EDRF1: variants seen among roughly 807,000 people sequenced by gnomAD.
EDRF1 encodes the protein erythroid differentiation-related factor 1.
A neutral mutation model predicts 148.7 loss-of-function variants in EDRF1; 69 were observed. The observed-to-expected ratio is 0.46, with a 90% confidence interval of 0.38 to 0.57. EDRF1 has a LOEUF of 0.57. Among genes scored for constraint, EDRF1 ranks in the 20% least tolerant of loss-of-function variants. The pLI, the probability that EDRF1 is intolerant of heterozygous loss-of-function variation, is 0.00. For synonymous variants in EDRF1, 515 were observed against 532.8 expected, an observed-to-expected ratio of 0.97 and a Z score of 0.46; for missense variants, 1,118 against 1,478.7, an observed-to-expected ratio of 0.76 and a Z score of 4.00.
rs1848135530 is a variant in EDRF1 at position 125,723,995 on chromosome 10, C to T, written c.510+59C>T. On this transcript the variant is annotated intron_variant, in intron 4 of 24. Transcript: ENST00000356792. ...TAACAGCTTAAGAGCACTAGAAATA[C>T]GATTTTGTTTCAGAGAATGGCCAAA... is the stretch of plus-strand genomic sequence containing the variant. The T allele has an allele frequency of 5.6e-6, 9 of 1,594,582 alleles. No individual in the cohort carries two copies. The Admixed American group carries it at 8.4e-5, about 15-fold the overall frequency.
Position 125,763,251 on chromosome 10 carries a change from G to A in EDRF1, c.3546-50G>A, listed in dbSNP as rs113668623. 4.1e-5 allele frequency: 64 copies of A among 1,557,872 alleles called. 1 individual carries two copies. The highest frequency in any genetic ancestry group is 4.7e-5 in the Non-Finnish European group (53 of 1,138,632). On this transcript the variant is annotated intron_variant, in intron 24 of 24. Coordinates refer to ENST00000356792, the MANE Select transcript of EDRF1 (RefSeq NM_001202438.2). The surrounding 1 kb of genome is among the most constrained non-coding windows in gnomAD (Gnocchi z 4.3). ...CGGTTTTCTGGACCTCTGAATTGTC[G>A]GTAGGCATTGCTGGTCCCTTACCTG... is the stretch of plus-strand genomic sequence containing the variant.
chr10:125,735,619 C>T (rs779165753), intron 12 of EDRF1, 25 bp from the exon 13 acceptor site: 1 of 1,607,248 alleles, frequency 6.2e-7, no homozygotes, highest in Non-Finnish European at 8.5e-7. Flanking sequence ...CAGTAATTTA[C>T]ACATATTTCT....
chr10:125,720,056 C>CTA, intron 1 of EDRF1, 141 bp downstream of exon 1: 1 of 696,882 alleles, frequency 1.4e-6, no homozygotes, highest in Admixed American at 3.0e-5. Flanking sequence ...GAGTTGAAGT[C>CTA]CATGCTCCAG....
intron 7 of EDRF1, 45 bp downstream of exon 7, chr10:125,729,149 A>G (rs1168324156): frequency 3.3e-6 from 5 of 1,523,824 alleles, no homozygotes; most frequent in Admixed American, 2.0e-5. Context: ...TCCCCAGTCT[A>G]CTTTGTCATT....
At position 125,737,492 on chromosome 10, in the gene EDRF1, C is replaced by T. The variant is rs143755189; in HGVS notation, c.1759-426C>T. Reference sequence around the variant, plus strand: ...GTAATTCCAACCCCACGGGATTCAGCGAAATGAAATGCTTCACAGAAGCCC... The same window carrying T: ...GTAATTCCAACCCCACGGGATTCAGTGAAATGAAATGCTTCACAGAAGCCC... On this transcript the variant is annotated intron_variant, in intron 13 of 24. Transcript: ENST00000356792. Among the ~76,000 whole-genome samples, 313 of 152,222 alleles carry T rather than the reference C, an allele frequency of 2.1e-3. 2 individuals are homozygous for T. Among genetic ancestry groups the T allele is most frequent in the African/African-American group, 7.0e-3 (291 of 41,520 alleles).
intron 6 of EDRF1, among the ~76,000 whole-genome samples, chr10:125,728,585 G>A (rs1483605180): frequency 6.6e-6 from 1 of 152,012 alleles, no homozygotes; most frequent in Non-Finnish European, 1.5e-5. Context: ...TCGAACTCCT[G>A]GGCTCAAGCA....
chr10:125,725,902 G>C, intron 6 of EDRF1, 64 bp downstream of exon 6: 1 of 1,456,988 alleles, frequency 6.9e-7, no homozygotes, highest in East Asian at 2.4e-5. Flanking sequence ...TTAACATCTC[G>C]TTAAAAAAAA....
intron 24 of EDRF1, among the ~76,000 whole-genome samples, chr10:125,760,575 ATTAC>A (rs1850149562): frequency 6.6e-6 from 1 of 152,222 alleles, no homozygotes; most frequent in Non-Finnish European, 1.5e-5. Context: ...AAAAATATTA[ATTAC>A]TAAGTCAGTG....
chr10:125,738,013 T>G, intron 14 of EDRF1, 24 bp downstream of exon 14: 2 of 1,606,068 alleles, frequency 1.2e-6, no homozygotes, highest in Non-Finnish European at 1.7e-6. Context: ...TAGTCTTCAC[T>G]TTTTTCGTAA....
intron 19 of EDRF1, 117 bp downstream of exon 19, chr10:125,746,047 C>G: frequency 2.3e-6 from 2 of 868,858 alleles, no homozygotes; most frequent in Non-Finnish European, 3.7e-6. Context: ...GCTAATGATA[C>G]AACACCAGAC....
rs1328353852 is a variant in EDRF1 at position 125,740,421 on chromosome 10, C to G, written c.1982-42C>G. 2.5e-6 allele frequency: 4 copies of G among 1,599,026 alleles called. No homozygotes were observed. In the Admixed American group the frequency reaches 6.7e-5, roughly 27 times the overall value. On this transcript the variant is annotated intron_variant, in intron 15 of 24. Transcript: ENST00000356792. ...ATTTTTTGTGCATGAGACTTACAGTCAAATGAAATGTGCTGTCTTTTTTTT... is the reference window on the plus strand; with the variant it reads ...ATTTTTTGTGCATGAGACTTACAGTGAAATGAAATGTGCTGTCTTTTTTTT...
At chr10:125,755,887 T>C (rs765382515) in intron 24 of EDRF1, among the ~76,000 whole-genome samples, 1 of 152,174 alleles carries the variant, frequency 6.6e-6, no homozygotes, top group African/African-American at 2.4e-5. Context: ...TTCCAATCTT[T>C]TCAAAGAACC....
At chr10:125,748,315 T>C (rs569647912) in intron 21 of EDRF1, 148 of 440,706 alleles carry the variant, frequency 3.4e-4, no homozygotes, top group Non-Finnish European at 5.1e-4. Flanking sequence ...CTGTTCATTT[T>C]CTCAGCTCAG....
intron 14 of EDRF1, 109 bp downstream of exon 14, chr10:125,738,098 A>T: frequency 7.4e-7 from 1 of 1,349,100 alleles, no homozygotes; most frequent in Middle Eastern, 1.8e-4. Flanking sequence ...TTCTGCTGCG[A>T]TTTTTTTTTC....
intron 24 of EDRF1, among the ~76,000 whole-genome samples, chr10:125,754,638 A>C (rs879148872): frequency 1.3e-5 from 2 of 152,234 alleles, no homozygotes; most frequent in Non-Finnish European, 2.9e-5. Flanking sequence ...TTGCGCTTAC[A>C]TTCTTTTGTC....
chr10:125,751,679 A>G (rs1429784625), intron 22 of EDRF1, among the ~76,000 whole-genome samples: 3 of 152,220 alleles, frequency 2.0e-5, no homozygotes, highest in Non-Finnish European at 4.4e-5. Context: ...GTCACTTCTC[A>G]CACTAACTAC....
In EDRF1 at chr10:125,763,253, T is replaced by C; in HGVS notation, c.3546-48T>C. On this transcript the variant is annotated intron_variant, in intron 24 of 24. Transcript: ENST00000356792. This position sits in a 1 kb window ranked among gnomAD's most constrained non-coding sequence, Gnocchi z 4.3. ...GTTTTCTGGACCTCTGAATTGTCGG[T>C]AGGCATTGCTGGTCCCTTACCTGTC... The C allele has an allele frequency of 1.3e-6, 2 of 1,563,590 alleles. No homozygotes were observed. The highest frequency in any genetic ancestry group is 1.7e-6 in the Non-Finnish European group (2 of 1,143,214).
rs1322896526 is a variant in EDRF1, at chr10:125,753,766, C to G, written c.3466C>G (p.Leu1156Val). The change falls in exon 24 of 25, where the codon CTC becomes GTC. Residue 1156 changes from leucine (L) to valine (V), a missense_variant. Around this residue, in one of 3 missense-constraint regions of EDRF1, gnomAD observed 954 missense variants for 1,241.4 expected, o/e 0.77. Transcript: ENST00000356792. ...SLNREEVMKLLSIFESRLSFL... is the reference protein window; with the variant it reads ...SLNREEVMKLVSIFESRLSFL... ...CAATCGAGAAGAAGTGATGAAACTC[C>G]TCAGTATATTTGAGTCTCGGTTGTC... is the stretch of plus-strand genomic sequence containing the variant. 6.2e-6 allele frequency: 10 copies of G among 1,613,964 alleles called. No homozygotes were observed. Among genetic ancestry groups the G allele is most frequent in the Non-Finnish European group, 8.5e-6 (10 of 1,179,992 alleles).
chr10:125,745,893 G>A lies in EDRF1; in HGVS notation c.2777G>A (p.Arg926His), dbSNP rs376996357. ...AHCGAGDELK[R>H]EFSPEEGLYY... The stretch of plus-strand genomic sequence containing the variant: ...TGTGGTGCAGGGGATGAACTGAAAC[G>A]TGAATTTTCACCAGAAGAAGGCTTG... The change falls in exon 19 of 25, where the codon CGT (arginine) becomes CAT (histidine). Residue 926 changes from arginine to histidine, a missense_variant. This residue lies in a region of EDRF1 where 954 missense variants were observed against 1,241.4 expected (regional missense o/e 0.77). Coordinates refer to ENST00000356792, the MANE Select transcript of EDRF1 (RefSeq NM_001202438.2). 3.7e-6 allele frequency: 6 copies of A among 1,614,110 alleles called. No individual in the cohort carries two copies. The highest frequency in any genetic ancestry group is 2.7e-5 in the African/African-American group (2 of 74,944).
Sources: allele counts gnomAD v4.1 joint callset (sites outside exome capture counted in the v4.1 genomes callset), GRCh38; gene constraint gnomAD v4.1.1; regional missense constraint gnomAD v4.1.1; non-coding constraint Gnocchi (gnomAD v3.1); transcripts MANE v1.5; gene names NCBI Gene and HGNC (gene_info 2026-07-23, HGNC 2026-07-21).